Variants in ANKFY1 observed in about 807,000 individuals in gnomAD.
ANKFY1 encodes the protein ankyrin repeat and FYVE domain-containing protein 1.
Under a neutral mutation model 128.3 loss-of-function variants are expected in ANKFY1, and 47 were observed. That is an observed-to-expected ratio of 0.37 (90% CI 0.29 to 0.47). The LOEUF is 0.47. ANKFY1 is among the 20% of genes least tolerant of loss of function. The pLI is 1.00. For synonymous variants in ANKFY1, 553 were observed against 601.6 expected (o/e 0.92, Z 1.18); for missense variants, 1,222 against 1,510.6 (o/e 0.81, Z 3.17).
rs1390937616 is a variant in ANKFY1, at chr17:4,195,460, T to G, written c.1115A>C (p.His372Pro). 10 of 1,614,004 alleles carry G rather than the reference T, an allele frequency of 6.2e-6. No individual in the cohort carries two copies. Among genetic ancestry groups the G allele is most frequent in the Non-Finnish European group, 8.5e-6 (10 of 1,180,000 alleles). Residue 372 changes from histidine (H) to proline (P), a missense_variant, in exon 9 of 25, where the codon CAT becomes CCT. His to Pro is a moderately conservative substitution (Grantham distance 77, BLOSUM62 -2). Coordinates refer to ENST00000341657, the MANE Select transcript of ANKFY1 (RefSeq NM_001330063.2). ...MQDSKGRTPLHVSIMAGNEYV... is the reference protein window; with the variant it reads ...MQDSKGRTPLPVSIMAGNEYV... The stretch of plus-strand genomic sequence containing the variant: ...TTCATTCCCGGCCATGATGGACACA[T>G]GTAAAGGAGTCCTGCGGGATCCAAA...
At position 4,170,728 on chromosome 17, in the gene ANKFY1, C is replaced by T; in HGVS notation, c.3273G>A (p.Leu1091=). 6.2e-7 allele frequency: 1 copy of T among 1,611,614 alleles called. No individual in the cohort carries two copies. The highest frequency in any genetic ancestry group is 8.5e-7 in the Non-Finnish European group (1 of 1,178,670). ...CGGGCCACTCACCCAGCAGTCGGAA[C>T]AGGAGCTGCTTGGTGGCGACCTGGT... is the stretch of plus-strand genomic sequence containing the variant. ...FNYQVATKQL[L]FRLLDMLSKE... Residue 1091 remains leucine (L), a synonymous_variant, in exon 23 of 25, where the codon CTG becomes CTA. Coordinates refer to ENST00000341657, the MANE Select transcript of ANKFY1 (RefSeq NM_001330063.2).
intron 8 of ANKFY1, 113 bp downstream of exon 8, chr17:4,197,260 G>A: frequency 9.1e-7 from 1 of 1,102,860 alleles, no homozygotes; most frequent in Non-Finnish European, 1.3e-6. Flanking sequence ...ATGAAAATAA[G>A]ACTGAATAAT....
At chr17:4,175,706 A>C (rs78119913) in intron 19 of ANKFY1, among the ~76,000 whole-genome samples, 11,273 of 151,778 alleles carry the variant, frequency 0.074, 513 homozygotes, top group South Asian at 0.15. Context: ...TGGATATGGG[A>C]CTCTCCATAC....
intron 5 of ANKFY1, among the ~76,000 whole-genome samples, chr17:4,209,447 C>A (rs575909928): frequency 6.6e-6 from 1 of 152,172 alleles, no homozygotes; most frequent in East Asian, 1.9e-4. Flanking sequence ...ACTACAGGCA[C>A]GCACCACTGA....
chr17:4,187,364 G>T, intron 11 of ANKFY1: 1 of 398,428 alleles, frequency 2.5e-6, no homozygotes, highest in South Asian at 1.3e-4. Context: ...ACTCCCACTT[G>T]GCTCCAGCCT....
chr17:4,248,735 G>A (rs1379196407), intron 1 of ANKFY1, among the ~76,000 whole-genome samples: 1 of 152,210 alleles, frequency 6.6e-6, no homozygotes, highest in Non-Finnish European at 1.5e-5. Context: ...CTGCATTCCA[G>A]CCTGGGTGAC....
chr17:4,168,624 C>G (rs965597652), intron 24 of ANKFY1, among the ~76,000 whole-genome samples: 1 of 152,082 alleles, frequency 6.6e-6, no homozygotes, highest in Non-Finnish European at 1.5e-5. Context: ...CCCACCACGA[C>G]CCCCAGCTAA....
In ANKFY1 at chr17:4,239,088, T is replaced by C. The variant is rs185434767; in HGVS notation, c.203+3168A>G. ...CAGGTTTTAGAAGCTGAAGGGAGAC[T>C]TGTTGGGAGTCCTAAGATCATACCA... On this transcript the variant is annotated intron_variant, in intron 2 of 24. Transcript: ENST00000341657. 5.7e-4 allele frequency among the ~76,000 whole-genome samples: 87 copies of C among 152,290 alleles called. 1 individual carries two copies. Among genetic ancestry groups the C allele is most frequent in the Admixed American group, 1.4e-3 (21 of 15,288 alleles).
At chr17:4,189,322 A>T (rs1013643406) in intron 11 of ANKFY1, 60 bp downstream of exon 11, 4 of 1,416,772 alleles carry the variant, frequency 2.8e-6, no homozygotes, top group Non-Finnish European at 2.9e-6. Context: ...CTACATATCC[A>T]CCACTGCCAT....
In ANKFY1 at chr17:4,208,002, C is replaced by G. The variant is rs754150215; in HGVS notation, c.663G>C (p.Pro221=). Reference sequence around the variant, plus strand: ...TCTCCACTTTGATGGCTTTATGTAGCGGGTACTCTGTCTTGGATTTGATCA... The same window carrying G: ...TCTCCACTTTGATGGCTTTATGTAGGGGGTACTCTGTCTTGGATTTGATCA... ...YKMIKSKTEY[P]LHKAIKVERE... is the part of the protein sequence containing the mutation. Residue 221 remains proline, a synonymous_variant, in exon 6 of 25, where the codon CCG becomes CCC. Coordinates refer to ENST00000341657, the MANE Select transcript of ANKFY1 (RefSeq NM_001330063.2). 6.2e-7 allele frequency: 1 copy of G among 1,611,424 alleles called. No homozygotes were observed. Among genetic ancestry groups the G allele is most frequent in the South Asian group, 1.1e-5 (1 of 90,370 alleles).
At position 4,169,094 on chromosome 17, in the gene ANKFY1, A is replaced by G. The variant is rs2059266416; in HGVS notation, c.3377+104T>C. 1 of 1,053,272 alleles carries G rather than the reference A, an allele frequency of 9.5e-7. No individual in the cohort carries two copies. The highest frequency in any genetic ancestry group is 1.4e-6 in the Non-Finnish European group (1 of 708,866). 65.2% of individuals were successfully genotyped at this position (1,053,272 alleles called of 1,614,324 possible). A position where few individuals can be genotyped will look rare whatever the true frequency, so the allele number is the denominator to read the frequency against. ...CCATTTGGTCAAGGTTTGCCCATCA[A>G]TGTGCAGGACCCAGGCAAGTTCACG... On this transcript the variant is annotated intron_variant, in intron 24 of 24. Transcript: ENST00000341657. The surrounding 1 kb of genome is among the most constrained non-coding windows in gnomAD (Gnocchi z 5.0).
chr17:4,260,311 A>T (rs1968341287), intron 1 of ANKFY1, among the ~76,000 whole-genome samples: 1 of 152,118 alleles, frequency 6.6e-6, no homozygotes, highest in African/African-American at 2.4e-5. Context: ...CTTTTGAAGT[A>T]GTTCACTTAC....
intron 4 of ANKFY1, among the ~76,000 whole-genome samples, chr17:4,215,422 C>A (rs750619096): frequency 9.9e-5 from 15 of 152,056 alleles, no homozygotes; most frequent in Non-Finnish European, 1.9e-4. Context: ...CCAAAACCGG[C>A]GAGATCCCCA....
chr17:4,190,043 G>A (rs1334423917), intron 10 of ANKFY1, among the ~76,000 whole-genome samples: 1 of 152,218 alleles, frequency 6.6e-6, no homozygotes, highest in East Asian at 1.9e-4. Flanking sequence ...CTCAACAGTG[G>A]TGCTACGGAC....
At chr17:4,194,561 C>T (rs2059783253) in intron 10 of ANKFY1, 1 of 174,280 alleles carries the variant, frequency 5.7e-6, no homozygotes, top group Admixed American at 5.6e-5. Flanking sequence ...CCAAATCCCT[C>T]TCCTTAAAAT....
chr17:4,251,605 T>G (rs1250887563), intron 1 of ANKFY1, among the ~76,000 whole-genome samples: 1 of 147,992 alleles, frequency 6.8e-6, no homozygotes, highest in Non-Finnish European at 1.5e-5. Flanking sequence ...TGACCTCAGA[T>G]TAAACAAAGA....
chr17:4,176,429 T>A (rs904843555), intron 19 of ANKFY1, among the ~76,000 whole-genome samples: 2 of 152,152 alleles, frequency 1.3e-5, no homozygotes, highest in Non-Finnish European at 2.9e-5. Flanking sequence ...TTCTCTCAGC[T>A]CAAACACTTA....
In ANKFY1 at chr17:4,169,400, T is replaced by C; in HGVS notation, c.3287-112A>G. On this transcript the variant is annotated intron_variant, in intron 23 of 24. Transcript: ENST00000341657. The surrounding 1 kb of genome is among the most constrained non-coding windows in gnomAD (Gnocchi z 5.0). ...CCGTAAGTGAGGCAGCGCTGCCACA[T>C]GACATAGGTGACGAAGGAGCGATAG... 1 of 743,246 alleles carries C rather than the reference T, an allele frequency of 1.3e-6. No homozygotes were observed. Among genetic ancestry groups the C allele is most frequent in the Admixed American group, 2.3e-5 (1 of 43,812 alleles). 46.0% of individuals were successfully genotyped at this position (743,246 alleles called of 1,614,324 possible). A position where few individuals can be genotyped will look rare whatever the true frequency, so the allele number is the denominator to read the frequency against.
At chr17:4,177,400 G>C in intron 18 of ANKFY1, 98 bp from the exon 19 acceptor site, 2 of 1,100,394 alleles carry the variant, frequency 1.8e-6, no homozygotes, top group Non-Finnish European at 2.5e-6. Flanking sequence ...AGGTCACGAT[G>C]GAGACCTTCC....
Sources: allele counts gnomAD v4.1 joint callset (sites outside exome capture counted in the v4.1 genomes callset), GRCh38; gene constraint gnomAD v4.1.1; non-coding constraint Gnocchi (gnomAD v3.1); transcripts MANE v1.5; gene names NCBI Gene and HGNC (gene_info 2026-07-23, HGNC 2026-07-21).